The following CTNND2 variants were observed in gnomAD, a reference collection of about 807,000 sequenced individuals.
CTNND2 encodes catenin delta 2.
A neutral mutation model predicts 144.4 loss-of-function variants in CTNND2; 22 were observed. That is an observed-to-expected ratio of 0.15 (90% CI 0.11 to 0.22). CTNND2 has a LOEUF of 0.22. Among genes scored for constraint, CTNND2 ranks in the 10% least tolerant of loss-of-function variants. CTNND2 has a pLI of 1.00. For missense variants in CTNND2, 1,353 were observed against 1,618.8 expected, an observed-to-expected ratio of 0.84 and a Z score of 2.82; for synonymous variants, 751 against 695.6, an observed-to-expected ratio of 1.08 and a Z score of -1.25.
chr5:11,104,466 G>A (rs768387041), intron 14 of CTNND2, among the ~76,000 whole-genome samples: 8 of 152,036 alleles, frequency 5.3e-5, no homozygotes, highest in East Asian at 3.9e-4. Context: ...TCCATCCACC[G>A]TCTGCCACTC....
intron 1 of CTNND2, among the ~76,000 whole-genome samples, chr5:11,742,448 TA>T (rs754408765): frequency 2.0e-5 from 3 of 152,240 alleles, no homozygotes; most frequent in Non-Finnish European, 4.4e-5. Context: ...CAGCCACACT[TA>T]GCCTTCTTTC....
intron 9 of CTNND2, among the ~76,000 whole-genome samples, chr5:11,284,307 G>A (rs1444021822): frequency 6.6e-6 from 1 of 152,058 alleles, no homozygotes; most frequent in East Asian, 1.9e-4. Context: ...TACAGATGCA[G>A]GTTTGTTACA....
intron 2 of CTNND2, among the ~76,000 whole-genome samples, chr5:11,591,298 C>T (rs1025679096): frequency 6.6e-6 from 1 of 152,148 alleles, no homozygotes; most frequent in Non-Finnish European, 1.5e-5. Context: ...ATTCAGTTAC[C>T]TCTGACACTG....
intron 1 of CTNND2, among the ~76,000 whole-genome samples, chr5:11,808,415 G>C (rs1400888832): frequency 6.6e-6 from 1 of 152,130 alleles, no homozygotes; most frequent in Non-Finnish European, 1.5e-5. Context: ...ATCAGGACAA[G>C]ATCAACCATT....
intron 3 of CTNND2, among the ~76,000 whole-genome samples, chr5:11,456,659 T>C (rs1177972862): frequency 6.6e-6 from 1 of 152,196 alleles, no homozygotes; most frequent in Non-Finnish European, 1.5e-5. Context: ...ACTATCACCT[T>C]ATTTGGTGCT....
chr5:11,194,339 G>A lies in CTNND2; in HGVS notation c.1975+5109C>T, dbSNP rs372956915. ...CCTCTCATTCTCCACTTTCACCTAG[G>A]TTGAAAGAATACCCAGCAGACAGGA... On this transcript the variant is annotated intron_variant, in intron 11 of 21. Transcript: ENST00000304623. Among the ~76,000 whole-genome samples, 5 of 152,246 alleles carry A rather than the reference G, an allele frequency of 3.3e-5. No individual in the cohort carries two copies. In the East Asian group the frequency reaches 7.7e-4, roughly 24 times the overall value.
At chr5:11,227,077 A>G (rs142876452) in intron 10 of CTNND2, among the ~76,000 whole-genome samples, 1 of 152,314 alleles carries the variant, frequency 6.6e-6, no homozygotes, top group African/African-American at 2.4e-5. Context: ...TGTGTGTTCA[A>G]TTTCCTTTGC....
At chr5:11,886,971 A>C (rs1736581961) in intron 1 of CTNND2, among the ~76,000 whole-genome samples, 13 of 126,152 alleles carry the variant, frequency 1.0e-4, no homozygotes, top group East Asian at 4.6e-4. Flanking sequence ...TTTCTATCCT[A>C]CTGCTTTTTT....
intron 20 of CTNND2, among the ~76,000 whole-genome samples, chr5:10,984,493 T>A (rs1189319863): frequency 1.3e-5 from 2 of 151,918 alleles, no homozygotes; most frequent in East Asian, 3.8e-4. Context: ...AAACAGACAC[T>A]GAGACGCTCT....
intron 3 of CTNND2, among the ~76,000 whole-genome samples, chr5:11,538,836 A>G (rs1426276970): frequency 6.6e-6 from 1 of 152,166 alleles, no homozygotes; most frequent in African/African-American, 2.4e-5. Flanking sequence ...ATTTTTAATG[A>G]CAAAGTTCTC....
In CTNND2 at chr5:11,128,941, TATATATAATATATAAATATATATA is replaced by T. The variant is rs1755074209; in HGVS notation, c.2160-11398_2160-11375del. Among the ~76,000 whole-genome samples, 22 of 38,486 alleles carry T rather than the reference TATATATAATATATAAATATATATA, an allele frequency of 5.7e-4. 1 individual carries two copies. Among genetic ancestry groups the T allele is most frequent in the Non-Finnish European group, 7.8e-4 (15 of 19,218 alleles). 25.2% of individuals were successfully genotyped at this position (38,486 alleles called of 152,430 possible). ...ATATATAATACATAAATATATATAT[TATATATAATATATAAATATATATA>T]ATATATAATATATAAATATATATAA... On this transcript the variant is annotated intron_variant, in intron 12 of 21. Transcript: ENST00000304623.
intron 1 of CTNND2, among the ~76,000 whole-genome samples, chr5:11,764,631 A>G (rs944036233): frequency 6.6e-6 from 1 of 151,980 alleles, no homozygotes; most frequent in South Asian, 2.1e-4. Context: ...CCAACATGTG[A>G]CTTTTCCTTT....
intron 15 of CTNND2, among the ~76,000 whole-genome samples, chr5:11,087,056 TA>T (rs1388006638): frequency 1.3e-5 from 2 of 152,242 alleles, no homozygotes; most frequent in Non-Finnish European, 2.9e-5. Context: ...AGTCTGCAAT[TA>T]AATGATTTTC....
chr5:11,299,368 A>G (rs1196976282), intron 9 of CTNND2, among the ~76,000 whole-genome samples: 1 of 152,170 alleles, frequency 6.6e-6, no homozygotes, highest in African/African-American at 2.4e-5. Context: ...GCCTTTTACC[A>G]GAAGAAACAA....
At chr5:11,326,264 A>G (rs1752508610) in intron 9 of CTNND2, among the ~76,000 whole-genome samples, 1 of 152,186 alleles carries the variant, frequency 6.6e-6, no homozygotes, top group Non-Finnish European at 1.5e-5. Flanking sequence ...TCTTTGGTCA[A>G]CGAATCTATT....
intron 9 of CTNND2, among the ~76,000 whole-genome samples, chr5:11,238,595 TGAAATG>T (rs1201865536): frequency 6.6e-6 from 1 of 152,248 alleles, no homozygotes; most frequent in Non-Finnish European, 1.5e-5. Context: ...GAATACCTCT[TGAAATG>T]GCTTCGTTTT....
At chr5:11,698,242 C>A (rs962992683) in intron 2 of CTNND2, among the ~76,000 whole-genome samples, 2 of 151,950 alleles carry the variant, frequency 1.3e-5, no homozygotes, top group African/African-American at 4.8e-5. Flanking sequence ...CTATCTGATG[C>A]TGAAGATAAA....
chr5:11,413,096 T>C (rs1761672110), intron 3 of CTNND2, among the ~76,000 whole-genome samples: 1 of 152,162 alleles, frequency 6.6e-6, no homozygotes, highest in African/African-American at 2.4e-5. Flanking sequence ...ATGGGGTATC[T>C]TGCCCCTGAG....
chr5:11,406,352 T>A (rs1309159844), intron 5 of CTNND2, among the ~76,000 whole-genome samples: 1 of 152,166 alleles, frequency 6.6e-6, no homozygotes, highest in Non-Finnish European at 1.5e-5. Context: ...GTTTCCACTA[T>A]AATAGAAAGC....
Sources: gnomAD v4.1 joint callset for allele counts (sites outside exome capture counted in the v4.1 genomes callset) on GRCh38, gnomAD v4.1.1 for gene constraint, MANE v1.5 for transcripts, NCBI Gene and HGNC (gene_info 2026-07-23, HGNC 2026-07-21) for gene names.